Variants in PPIP5K2 observed in about 807,000 individuals in gnomAD.
PPIP5K2 encodes diphosphoinositol pentakisphosphate kinase 2.
A neutral mutation model predicts 154.6 loss-of-function variants in PPIP5K2; 105 were observed. The observed-to-expected ratio is 0.68, with a 90% CI of 0.58 to 0.80. The LOEUF (loss-of-function observed/expected upper bound fraction) is 0.80. Among genes scored for constraint, PPIP5K2 ranks in the 30% least tolerant of loss-of-function variants. The pLI, the probability that PPIP5K2 is intolerant of heterozygous loss-of-function variation, is 0.00. For synonymous variants in PPIP5K2, 480 were observed against 490.3 expected (o/e 0.98, Z 0.28); for missense variants, 992 against 1,504.6 (o/e 0.66, Z 5.64).
chr5:103,139,653 G>A (rs1425460576), intron 5 of PPIP5K2, among the ~76,000 whole-genome samples: 1 of 152,110 alleles, frequency 6.6e-6, no homozygotes, highest in Non-Finnish European at 1.5e-5. Flanking sequence ...AGAACATCCA[G>A]AAAAATGTGA....
chr5:103,150,514 C>A (rs1424074749), intron 8 of PPIP5K2, among the ~76,000 whole-genome samples: 2 of 152,004 alleles, frequency 1.3e-5, no homozygotes, highest in African/African-American at 4.8e-5. Context: ...GGCTCACACC[C>A]ATAATCCCAG....
At chr5:103,146,445 A>T in intron 5 of PPIP5K2, 82 bp from the exon 6 acceptor site, 1 of 1,396,152 alleles carries the variant, frequency 7.2e-7, no homozygotes, top group Non-Finnish European at 9.6e-7. Flanking sequence ...TCTTTTAGTG[A>T]AAAAGTCCTC....
chr5:103,141,278 A>G (rs1486931779), intron 5 of PPIP5K2, among the ~76,000 whole-genome samples: 1 of 151,538 alleles, frequency 6.6e-6, no homozygotes, highest in African/African-American at 2.4e-5. Context: ...GTCCCTTCCG[A>G]TGTTCAGATG....
chr5:103,186,210 C>G, intron 26 of PPIP5K2, 110 bp from the exon 27 acceptor site: 1 of 1,394,894 alleles, frequency 7.2e-7, no homozygotes, highest in Non-Finnish European at 9.9e-7. Context: ...AAGGCACTTC[C>G]AAAGGTTGCC....
At chr5:103,190,251 A>G (rs1443667071) in intron 28 of PPIP5K2, among the ~76,000 whole-genome samples, 2 of 152,096 alleles carry the variant, frequency 1.3e-5, no homozygotes, top group East Asian at 1.9e-4. Context: ...ACAGCCAGTG[A>G]TTCCTAGTAA....
At chr5:103,131,525 G>A (rs1033521220) in intron 2 of PPIP5K2, among the ~76,000 whole-genome samples, 1 of 152,006 alleles carries the variant, frequency 6.6e-6, no homozygotes, top group Non-Finnish European at 1.5e-5. Flanking sequence ...TCTATTCCAT[G>A]TATCACAATT....
rs1554211297 is a variant in PPIP5K2 at position 103,151,324 on chromosome 5, T to A, written c.978T>A (p.Ser326Arg). The change falls in exon 9 of 31, where the codon AGT (serine) becomes AGA (arginine). Residue 326 changes from serine to arginine, a missense_variant. This residue lies in a region of PPIP5K2 where 163 missense variants were observed against 285.2 expected (regional missense o/e 0.57). Transcript: ENST00000358359. ...QSYVCDVNGF[S>R]FVKNSMKYYD... ...ATGTCTGTGATGTCAATGGCTTCAG[T>A]TTTGTGAAAAATTCCATGAAGTATT... is the stretch of plus-strand genomic sequence containing the variant. 6.2e-7 allele frequency: 1 copy of A among 1,611,330 alleles called. No individual in the cohort carries two copies.
intron 5 of PPIP5K2, among the ~76,000 whole-genome samples, chr5:103,142,353 C>G (rs1009248424): frequency 2.0e-5 from 3 of 152,198 alleles, no homozygotes; most frequent in African/African-American, 4.8e-5. Flanking sequence ...CAAGCCCACG[C>G]CCACCCAGAA....
rs1788447216 is a variant in PPIP5K2 at position 103,120,410 on chromosome 5, G to A, written c.-363G>A. On this transcript the variant is annotated 5_prime_UTR_variant, in exon 1 of 31. Coordinates refer to ENST00000358359, the MANE Select transcript of PPIP5K2 (RefSeq NM_001276277.3). ...TGACAAACACCTCACCCCTGCCTCCGGGATGAAAGGGGGTAACCTAGACCT... is the reference window on the plus strand; with the variant it reads ...TGACAAACACCTCACCCCTGCCTCCAGGATGAAAGGGGGTAACCTAGACCT... 1 of 456,706 alleles carries A rather than the reference G, an allele frequency of 2.2e-6. No individual in the cohort carries two copies. The highest frequency in any genetic ancestry group is 4.4e-6 in the Non-Finnish European group (1 of 226,924). The allele number at this position is 456,706 out of a possible 1,614,324, so 28.3% of individuals were successfully genotyped here.
intron 3 of PPIP5K2, among the ~76,000 whole-genome samples, chr5:103,134,287 A>C (rs966787379): frequency 2.0e-5 from 3 of 152,164 alleles, no homozygotes; most frequent in African/African-American, 7.2e-5. Flanking sequence ...TGTAAATTCC[A>C]CTAATCAAAA....
intron 26 of PPIP5K2, among the ~76,000 whole-genome samples, chr5:103,185,846 CA>C (rs1800286475): frequency 6.6e-6 from 1 of 151,436 alleles, no homozygotes; most frequent in Non-Finnish European, 1.5e-5. Flanking sequence ...ATTCTCAATT[CA>C]GGGGCATCAG....
intron 28 of PPIP5K2, chr5:103,189,316 A>G: frequency 9.4e-7 from 1 of 1,066,616 alleles, no homozygotes; most frequent in Non-Finnish European, 1.3e-6. Context: ...GGAAAAGTTT[A>G]TTAAAGATAA....
Position 103,129,371 on chromosome 5 carries a change from A to G in PPIP5K2, c.-219A>G, listed in dbSNP as rs1448620512. The G allele has an allele frequency of 1.3e-5, 4 of 307,666 alleles. No homozygotes were observed. In the Admixed American group the frequency reaches 1.5e-4, roughly 11 times the overall value. 19.1% of individuals were successfully genotyped at this position (307,666 alleles called of 1,614,324 possible). ...CACTGTCTTTGTATTTTGAATTGCA[A>G]CAACAACTTTGATATCAACAATGAA... On this transcript the variant is annotated 5_prime_UTR_variant, in exon 2 of 31. Coordinates refer to ENST00000358359, the MANE Select transcript of PPIP5K2 (RefSeq NM_001276277.3).
Position 103,201,686 on chromosome 5 carries a change from A to T in PPIP5K2, c.*52A>T. The T allele has an allele frequency of 7.9e-7, 1 of 1,259,964 alleles. No homozygotes were observed. The highest frequency in any genetic ancestry group is 1.1e-6 in the Non-Finnish European group (1 of 898,566). The allele number at this position is 1,259,964 out of a possible 1,614,324, so 78.0% of individuals were successfully genotyped here. A position where few individuals can be genotyped will look rare whatever the true frequency, so the allele number is the denominator to read the frequency against. ...ATACTTATAAAAATAGTATGTTCTT[A>T]TGTTTCTCCTTATGCATTTATGTGT... On this transcript the variant is annotated 3_prime_UTR_variant, in exon 31 of 31. Transcript: ENST00000358359.
In PPIP5K2 at chr5:103,208,135, G is replaced by A. The variant is rs1220083400; in HGVS notation, c.*6501G>A. On this transcript the variant is annotated 3_prime_UTR_variant, in exon 31 of 31. Transcript: ENST00000358359. ...GATGGAGTTTTACTCTTGTTGCCTA[G>A]GCTGGAGTGCAGTGGCATGATCTCA... is the stretch of plus-strand genomic sequence containing the variant. 3 of 148,636 alleles carry A rather than the reference G, an allele frequency of 2.0e-5. No homozygotes were observed. The highest frequency in any genetic ancestry group is 4.4e-5 in the Non-Finnish European group (3 of 67,450). The allele number at this position is 148,636 out of a possible 1,614,324, so 9.2% of individuals were successfully genotyped here.
At chr5:103,147,857 CTATT>C in intron 6 of PPIP5K2, 70 bp from the exon 7 acceptor site, 1 of 863,416 alleles carries the variant, frequency 1.2e-6, no homozygotes, top group Non-Finnish European at 1.8e-6. Flanking sequence ...GGTAAATAAA[CTATT>C]TGTCATTTTA....
At chr5:103,149,955 A>G (rs1554210744) in intron 8 of PPIP5K2, among the ~76,000 whole-genome samples, 2 of 152,078 alleles carry the variant, frequency 1.3e-5, no homozygotes, top group African/African-American at 4.8e-5. Context: ...TCGGCTTCCC[A>G]AAGTGCTGGA....
At chr5:103,138,029 A>C (rs1791856466) in intron 4 of PPIP5K2, among the ~76,000 whole-genome samples, 1 of 152,168 alleles carries the variant, frequency 6.6e-6, no homozygotes, top group South Asian at 2.1e-4. Flanking sequence ...CATGTCATTA[A>C]ATACTATTTA....
chr5:103,168,976 C>T (rs570183961), intron 19 of PPIP5K2, among the ~76,000 whole-genome samples: 48 of 151,764 alleles, frequency 3.2e-4, no homozygotes, highest in African/African-American at 1.4e-4. Context: ...TAAAGAATTA[C>T]GGTCTTATAT....
Sources: gnomAD v4.1 joint callset for allele counts (sites outside exome capture counted in the v4.1 genomes callset) on GRCh38, gnomAD v4.1.1 for gene constraint, gnomAD v4.1.1 regional missense constraint, MANE v1.5 for transcripts, NCBI Gene and HGNC (gene_info 2026-07-23, HGNC 2026-07-21) for gene names.